Variants in FMN1 observed in about 807,000 individuals in gnomAD.
The protein encoded by FMN1 is formin 1, also known as formin-1.
Under a neutral mutation model 132.4 loss-of-function variants are expected in FMN1, and 110 were observed. The observed-to-expected ratio is 0.83, with a 90% confidence interval of 0.71 to 0.97. FMN1 has a LOEUF of 0.97. Among genes scored for constraint, FMN1 ranks in the 50% least tolerant of loss-of-function variants. The pLI, the probability that FMN1 is intolerant of heterozygous loss-of-function variation, is 0.00. For synonymous variants in FMN1, 722 were observed against 651.7 expected (o/e 1.11, Z -1.64); for missense variants, 1,792 against 1,705.3 (o/e 1.05, Z -0.90).
chr15:32,785,192 G>GTATATA (rs1567162734), intron 19 of FMN1, among the ~76,000 whole-genome samples: 1 of 23,174 alleles, frequency 4.3e-5, no homozygotes, highest in African/African-American at 1.3e-4. Flanking sequence ...GTGTGTGTGT[G>GTATATA]TGTGTGTGTA....
chr15:33,025,719 T>C lies in FMN1; in HGVS notation c.2162-17644A>G, dbSNP rs1022083687. On this transcript the variant is annotated intron_variant, in intron 6 of 20. Transcript: ENST00000616417. ...TTAACATACTAATGGAGAAAACCTA[T>C]TGTATCTCAAAATCTCAAAATGATA... Among the ~76,000 whole-genome samples the C allele has an allele frequency of 5.3e-5, 8 of 152,196 alleles. No homozygotes were observed. The East Asian group carries it at 1.5e-3, about 29-fold the overall frequency.
chr15:33,066,125 G>A (rs917617746), intron 5 of FMN1, among the ~76,000 whole-genome samples: 1 of 152,172 alleles, frequency 6.6e-6, no homozygotes, highest in Non-Finnish European at 1.5e-5. Context: ...TCAAAGGAAC[G>A]ATAGACTTTC....
intron 9 of FMN1, among the ~76,000 whole-genome samples, chr15:32,951,720 C>CT (rs1433281856): frequency 1.3e-5 from 2 of 152,164 alleles, no homozygotes; most frequent in African/African-American, 4.8e-5. Flanking sequence ...TCACAACCAC[C>CT]TTTGAAGCAG....
chr15:32,844,830 T>C (rs918557589), intron 17 of FMN1, among the ~76,000 whole-genome samples: 3 of 152,240 alleles, frequency 2.0e-5, no homozygotes, highest in Non-Finnish European at 2.9e-5. Flanking sequence ...CTGATAAGAT[T>C]TGACAAAATC....
chr15:32,898,678 C>G (rs2060218091), intron 15 of FMN1, among the ~76,000 whole-genome samples, 156 bp downstream of exon 15: 2 of 152,202 alleles, frequency 1.3e-5, no homozygotes, highest in African/African-American at 2.4e-5. Flanking sequence ...CAACTAAACT[C>G]TCTTGGTTTC....
intron 4 of FMN1, among the ~76,000 whole-genome samples, chr15:33,103,877 T>C (rs552278099): frequency 6.6e-6 from 1 of 152,256 alleles, no homozygotes; most frequent in African/African-American, 2.4e-5. Flanking sequence ...AATTGCCCTT[T>C]TCTTCCCCCT....
intron 5 of FMN1, among the ~76,000 whole-genome samples, chr15:33,074,055 T>C (rs976213086): frequency 6.6e-6 from 1 of 152,102 alleles, no homozygotes; most frequent in Non-Finnish European, 1.5e-5. Context: ...GTTTTAAAGA[T>C]GAAGGCATTT....
intron 9 of FMN1, among the ~76,000 whole-genome samples, chr15:32,961,942 A>C (rs117031145): frequency 0.022 from 3,285 of 151,992 alleles, 50 homozygotes; most frequent in Middle Eastern, 0.11. Context: ...TTGAGTCACT[A>C]CTCAGAAGCC....
chr15:33,006,037 C>G (rs149032006), intron 7 of FMN1, among the ~76,000 whole-genome samples: 2 of 152,122 alleles, frequency 1.3e-5, no homozygotes, highest in African/African-American at 4.8e-5. Flanking sequence ...TACTACTTAT[C>G]GAATAATTTT....
intron 6 of FMN1, among the ~76,000 whole-genome samples, chr15:33,062,064 T>C (rs1441094643): frequency 6.6e-6 from 1 of 152,018 alleles, no homozygotes; most frequent in African/African-American, 2.4e-5. Flanking sequence ...ACAGTAAAAT[T>C]AAAAACAAAT....
chr15:33,095,774 A>G (rs1290605095), intron 4 of FMN1, among the ~76,000 whole-genome samples: 2 of 152,170 alleles, frequency 1.3e-5, no homozygotes, highest in South Asian at 4.1e-4. Flanking sequence ...CATTATTCCA[A>G]TTATTATGAG....
At chr15:33,069,559 G>T (rs1489104496) in intron 5 of FMN1, among the ~76,000 whole-genome samples, 2 of 152,192 alleles carry the variant, frequency 1.3e-5, no homozygotes, top group East Asian at 3.8e-4. Context: ...GTGGCTGCAT[G>T]TCACACATTG....
chr15:33,019,085 T>C lies in FMN1; in HGVS notation c.2162-11010A>G, dbSNP rs143196581. On this transcript the variant is annotated intron_variant, in intron 6 of 20. Coordinates refer to ENST00000616417, the MANE Select transcript of FMN1 (RefSeq NM_001277313.2). ...GCTCCGGCAGCCTGCTTTTATTCTCTTACCTGGCCCCACCCACATCCTGCT... is the reference window on the plus strand; with the variant it reads ...GCTCCGGCAGCCTGCTTTTATTCTCCTACCTGGCCCCACCCACATCCTGCT... Among the ~76,000 whole-genome samples the C allele has an allele frequency of 4.1e-3, 629 of 152,298 alleles. 5 individuals are homozygous for C. The highest frequency in any genetic ancestry group is 0.015 in the African/African-American group (613 of 41,558).
chr15:33,021,244 C>A (rs1477313652), intron 6 of FMN1, among the ~76,000 whole-genome samples: 2 of 140,086 alleles, frequency 1.4e-5, no homozygotes, highest in Non-Finnish European at 3.3e-5. Context: ...CCTTAGTTGA[C>A]CTTTACACCT....
intron 3 of FMN1, 27 bp from the exon 4 acceptor site, chr15:33,155,072 A>G (rs1964617902): frequency 1.6e-6 from 1 of 614,308 alleles, no homozygotes; most frequent in Admixed American, 3.0e-5. Flanking sequence ...GGAAGAAAGC[A>G]GCTTGTCTAA....
At chr15:32,806,544 T>A (rs559522969) in intron 17 of FMN1, among the ~76,000 whole-genome samples, 1 of 152,362 alleles carries the variant, frequency 6.6e-6, no homozygotes, top group Non-Finnish European at 1.5e-5. Context: ...CAATGGCTTG[T>A]CTTGCCATCA....
At chr15:33,120,711 C>T (rs922595845) in intron 4 of FMN1, among the ~76,000 whole-genome samples, 9 of 152,110 alleles carry the variant, frequency 5.9e-5, no homozygotes, top group Admixed American at 1.3e-4. Flanking sequence ...GACTACATAC[C>T]CATTTTACAG....
chr15:32,977,615 A>C (rs551481496), intron 7 of FMN1, among the ~76,000 whole-genome samples: 1 of 152,312 alleles, frequency 6.6e-6, no homozygotes, highest in East Asian at 1.9e-4. Flanking sequence ...CTTAGTCATT[A>C]AGATTTCCTG....
Position 33,153,330 on chromosome 15 carries a change from G to A in FMN1, c.1585C>T (p.Pro529Ser), listed in dbSNP as rs1964526217. 1 of 1,536,226 alleles carries A rather than the reference G, an allele frequency of 6.5e-7. No homozygotes were observed. The highest frequency in any genetic ancestry group is 1.4e-5 in the African/African-American group (1 of 73,026). Reference protein sequence around the residue: ...PVPSPLSPRLPSPQQHHRILR... With the variant: ...PVPSPLSPRLSSPQQHHRILR... Reference sequence around the variant, plus strand: ...ATCCTGTGATGCTGCTGAGGGCTGGGGAGCCTTGGAGACAGAGGCGAGGGA... The same window carrying A: ...ATCCTGTGATGCTGCTGAGGGCTGGAGAGCCTTGGAGACAGAGGCGAGGGA... Residue 529 changes from proline to serine, a missense_variant, in exon 4 of 21, where the codon CCC (proline) becomes TCC (serine). Around this residue, in one of 3 missense-constraint regions of FMN1, gnomAD observed 4 missense variants for 17.0 expected, o/e 0.24. Transcript: ENST00000616417.
Sources: gnomAD v4.1 joint callset for allele counts (sites outside exome capture counted in the v4.1 genomes callset) on GRCh38, gnomAD v4.1.1 for gene constraint, gnomAD v4.1.1 regional missense constraint, MANE v1.5 for transcripts, NCBI Gene and HGNC (gene_info 2026-07-23, HGNC 2026-07-21) for gene names.